The following CACNG7 variants were observed in gnomAD, a reference collection of about 807,000 sequenced individuals.
CACNG7 encodes the protein voltage-dependent calcium channel gamma-7 subunit.
CACNG7 carries 9 observed loss-of-function variants against 26.3 expected under a neutral mutation model. The ratio of observed to expected loss-of-function variants is 0.34; its 90% CI spans 0.21 to 0.60. The LOEUF (loss-of-function observed/expected upper bound fraction) is 0.60, where lower values mean the gene tolerates loss of function less well. CACNG7 is among the 20% of genes least tolerant of loss of function. The probability of loss-of-function intolerance (pLI) is 0.81; values close to 1 mark genes in which losing one functional copy is unlikely to be tolerated. For missense variants in CACNG7, 297 were observed against 380.4 expected (o/e 0.78, Z 1.82); for synonymous variants, 170 against 157.0 (o/e 1.08, Z -0.62).
chr19:53,914,362 T>C, intron 2 of CACNG7, 138 bp from the exon 3 acceptor site: 2 of 633,928 alleles, frequency 3.2e-6, no homozygotes, highest in Admixed American at 2.6e-5. Flanking sequence ...ACCCCTGGAG[T>C]AGTACAGCTC....
At chr19:53,926,892 G>A (rs996828484) in intron 4 of CACNG7, among the ~76,000 whole-genome samples, 4 of 152,306 alleles carry the variant, frequency 2.6e-5, no homozygotes, top group South Asian at 2.1e-4. Context: ...TAGCTTGGTC[G>A]ACAGAACAAG....
chr19:53,922,554 CCCCAGGTCTGGTCATTGGTGGAGTTGT>C (rs1568775504), intron 4 of CACNG7, among the ~76,000 whole-genome samples: 9 of 72,496 alleles, frequency 1.2e-4, no homozygotes, highest in South Asian at 5.2e-4. Context: ...GGTGGAGTTG[CCCCAGGTCTGGTCATTGGTGGAGTTGT>C]CCCAGGACTG....
In CACNG7 at chr19:53,915,524, G is replaced by A. The variant is rs1402963084; in HGVS notation, c.424+19G>A. ...CTATCGGGTGAGCCTAAGGACTTGG[G>A]GGTTGGGGGGGACCATTTCCAGTTC... On this transcript the variant is annotated intron_variant, in intron 4 of 5. Transcript: ENST00000391767. 6 of 1,613,104 alleles carry A rather than the reference G, an allele frequency of 3.7e-6. No homozygotes were observed. Among genetic ancestry groups the A allele is most frequent in the Non-Finnish European group, 5.1e-6 (6 of 1,179,288 alleles).
Position 53,927,830 on chromosome 19 carries a change from C to T in CACNG7, c.424+12325C>T, listed in dbSNP as rs1251977914. Reference sequence around the variant, plus strand: ...TCCAGCTTGGGCAACAAGAGCGAAACTCCATCTCAAAAAAAAAAAAAAAGG... The same window carrying T: ...TCCAGCTTGGGCAACAAGAGCGAAATTCCATCTCAAAAAAAAAAAAAAAGG... On this transcript the variant is annotated intron_variant, in intron 4 of 5. Transcript: ENST00000391767. Among the ~76,000 whole-genome samples, 8 of 144,178 alleles carry T rather than the reference C, an allele frequency of 5.5e-5. No homozygotes were observed. The East Asian group carries it at 1.0e-3, about 18-fold the overall frequency. 94.6% of individuals were successfully genotyped at this position (144,178 alleles called of 152,430 possible).
chr19:53,921,042 T>C (rs1214509554), intron 4 of CACNG7, among the ~76,000 whole-genome samples: 2 of 84,110 alleles, frequency 2.4e-5, no homozygotes, highest in African/African-American at 7.6e-5. Flanking sequence ...TTGGTGGAGT[T>C]GCCCCAGGCC....
intron 2 of CACNG7, among the ~76,000 whole-genome samples, chr19:53,914,288 GA>G (rs200430248): frequency 8.0e-6 from 1 of 124,392 alleles, no homozygotes; most frequent in African/African-American, 4.5e-5. Flanking sequence ...AAAAAAAAAA[GA>G]AAAAAAGAAA....
At chr19:53,926,042 A>T (rs1395970013) in intron 4 of CACNG7, among the ~76,000 whole-genome samples, 1 of 152,200 alleles carries the variant, frequency 6.6e-6, no homozygotes, top group African/African-American at 2.4e-5. Flanking sequence ...TTCAATCTTC[A>T]GATGTCCTGT....
chr19:53,942,137 C>T lies in CACNG7; in HGVS notation c.672C>T (p.Cys224=), dbSNP rs749323281. The stretch of plus-strand genomic sequence containing the variant: ...TCTACCGCCCGCGTCTCAGCGACTG[C>T]TCCGACTACTCGGGCCAGTTCCTGC... ...PAFYRPRLSD[C]SDYSGQFLQP... Residue 224 remains cysteine (C), a synonymous_variant, in exon 6 of 6, where the codon TGC becomes TGT. Coordinates refer to ENST00000391767, the MANE Select transcript of CACNG7 (RefSeq NM_031896.5). This position sits in a 1 kb window ranked among gnomAD's most constrained non-coding sequence, Gnocchi z 5.9. 38 of 1,613,942 alleles carry T rather than the reference C, an allele frequency of 2.4e-5. No individual in the cohort carries two copies. In the Admixed American group the frequency reaches 6.0e-4, roughly 25 times the overall value.
chr19:53,930,836 AT>A (rs944325266), intron 4 of CACNG7, among the ~76,000 whole-genome samples: 27 of 151,946 alleles, frequency 1.8e-4, no homozygotes, highest in African/African-American at 6.3e-4. Context: ...CCACACACAG[AT>A]TTTTTTTGGC....
intron 4 of CACNG7, among the ~76,000 whole-genome samples, chr19:53,929,700 C>G (rs991144040): frequency 6.6e-6 from 1 of 152,120 alleles, no homozygotes; most frequent in Non-Finnish European, 1.5e-5. Context: ...TCCTTGGCCT[C>G]CCAAAGTGCT....
intron 4 of CACNG7, among the ~76,000 whole-genome samples, chr19:53,922,249 GAGTTGTCCCCAGGTCTGGTCATTGGTGC>G (rs2068965403): frequency 2.9e-5 from 3 of 104,424 alleles, no homozygotes; most frequent in African/African-American, 4.2e-5. Flanking sequence ...GTCATTGGTG[GAGTTGTCCCCAGGTCTGGTCATTGGTGC>G]AGTTGCCCCA....
chr19:53,924,616 C>G (rs139794004), intron 4 of CACNG7, among the ~76,000 whole-genome samples: 2,850 of 123,756 alleles, frequency 0.023, 113 homozygotes, highest in African/African-American at 0.084. Context: ...CCAGGCTGGT[C>G]ATTGGTGGAC....
chr19:53,909,578 C>G lies in CACNG7; in HGVS notation c.-30+61C>G, dbSNP rs1041039659. 6.6e-6 allele frequency: 1 copy of G among 152,668 alleles called. No homozygotes were observed. The highest frequency in any genetic ancestry group is 2.1e-4 in the South Asian group (1 of 4,874). 9.5% of individuals were successfully genotyped at this position (152,668 alleles called of 1,614,324 possible). A position where few individuals can be genotyped will look rare whatever the true frequency, so the allele number is the denominator to read the frequency against. On this transcript the variant is annotated intron_variant, in intron 1 of 5. Transcript: ENST00000391767. This position sits in a 1 kb window ranked among gnomAD's most constrained non-coding sequence, Gnocchi z 5.1. The stretch of plus-strand genomic sequence containing the variant: ...GGCGCCCCTCGAGGTGGCTGCGAGC[C>G]GGGTTTGGGGCAACAAGGGACCCGA...
At chr19:53,911,189 C>T (rs1293730948) in intron 1 of CACNG7, among the ~76,000 whole-genome samples, 1 of 151,962 alleles carries the variant, frequency 6.6e-6, no homozygotes, top group East Asian at 1.9e-4. Flanking sequence ...CCTCAGCCTC[C>T]TGAGTATCTG....
intron 4 of CACNG7, among the ~76,000 whole-genome samples, chr19:53,934,775 T>C (rs1017947501): frequency 6.6e-6 from 1 of 151,688 alleles, no homozygotes; most frequent in Admixed American, 6.6e-5. Flanking sequence ...CCCATCTCAA[T>C]AGATAAATAA....
chr19:53,915,017 T>A (rs548384548), intron 3 of CACNG7, among the ~76,000 whole-genome samples: 6,044 of 92,870 alleles, frequency 0.065, 496 homozygotes, highest in African/African-American at 0.2. Context: ...AAAAAAAAAA[T>A]AAATAAAAGG....
In CACNG7 at chr19:53,921,696, T is replaced by TCTGGTCATTGGTGGAGCTGTCCCAGG. The variant is rs1409874361; in HGVS notation, c.424+6208_424+6233dup. 1.4e-4 allele frequency among the ~76,000 whole-genome samples: 13 copies of TCTGGTCATTGGTGGAGCTGTCCCAGG among 95,698 alleles called. 1 individual carries two copies. Among genetic ancestry groups the TCTGGTCATTGGTGGAGCTGTCCCAGG allele is most frequent in the Non-Finnish European group, 1.8e-4 (9 of 51,076 alleles). 62.8% of individuals were successfully genotyped at this position (95,698 alleles called of 152,430 possible). On this transcript the variant is annotated intron_variant, in intron 4 of 5. Coordinates refer to ENST00000391767, the MANE Select transcript of CACNG7 (RefSeq NM_031896.5). ...TGGTCATTGGTGGACTTGCCCCAGG[T>TCTGGTCATTGGTGGAGCTGTCCCAGG]CTGGTCATTGGTGGAGCTGTCCCAG... is the stretch of plus-strand genomic sequence containing the variant.
intron 4 of CACNG7, among the ~76,000 whole-genome samples, chr19:53,921,281 G>C (rs373834387): frequency 1.9e-4 from 25 of 129,698 alleles, no homozygotes; most frequent in African/African-American, 5.0e-4. Context: ...CATTGGTGGA[G>C]TTGCCTCAGG....
intron 4 of CACNG7, among the ~76,000 whole-genome samples, chr19:53,921,392 G>GT (rs1395479872): frequency 1.3e-4 from 18 of 139,174 alleles, no homozygotes; most frequent in Middle Eastern, 4.7e-3. Context: ...TGGTGGAGTT[G>GT]CCCCAGGTCT....
Sources: allele counts gnomAD v4.1 joint callset (sites outside exome capture counted in the v4.1 genomes callset), GRCh38; gene constraint gnomAD v4.1.1; non-coding constraint Gnocchi (gnomAD v3.1); transcripts MANE v1.5; gene names NCBI Gene and HGNC (gene_info 2026-07-23, HGNC 2026-07-21).